Variants in ITFG1 observed in about 807,000 individuals in gnomAD.
ITFG1 encodes integrin alpha FG-GAP repeat containing 1.
A neutral mutation model predicts 81.8 loss-of-function variants in ITFG1; 34 were observed. The observed-to-expected ratio is 0.42, with a 90% CI of 0.32 to 0.55. ITFG1 has a LOEUF of 0.55. Ranked by LOEUF, ITFG1 falls within the 20% of genes least tolerant of loss-of-function variation. The pLI is 0.17. For synonymous variants in ITFG1, 285 were observed against 270.6 expected (o/e 1.05, Z -0.52); for missense variants, 672 against 755.4 (o/e 0.89, Z 1.29).
intron 8 of ITFG1, among the ~76,000 whole-genome samples, chr16:47,356,205 A>T (rs1968037573): frequency 6.6e-6 from 1 of 152,204 alleles, no homozygotes; most frequent in Admixed American, 6.5e-5. Context: ...AATATTGTTC[A>T]CCTCAGAAAG....
At chr16:47,459,423 A>T (rs1349341328) in intron 1 of ITFG1, among the ~76,000 whole-genome samples, 1 of 152,242 alleles carries the variant, frequency 6.6e-6, no homozygotes, top group Admixed American at 6.5e-5. Context: ...ATCAAGAGAA[A>T]CTGAAGCCAG....
intron 10 of ITFG1, among the ~76,000 whole-genome samples, chr16:47,297,418 A>G (rs1224215817): frequency 6.6e-6 from 1 of 152,168 alleles, no homozygotes; most frequent in Non-Finnish European, 1.5e-5. Flanking sequence ...TGTCATTTAC[A>G]TTCAAGGTTA....
intron 3 of ITFG1, among the ~76,000 whole-genome samples, chr16:47,453,390 T>A (rs1209314158): frequency 6.6e-6 from 1 of 152,194 alleles, no homozygotes; most frequent in Non-Finnish European, 1.5e-5. Flanking sequence ...TACTTCAACT[T>A]TTTTGTGCTT....
chr16:47,438,536 C>T (rs1347165485), intron 5 of ITFG1, among the ~76,000 whole-genome samples: 1 of 152,196 alleles, frequency 6.6e-6, no homozygotes, highest in Non-Finnish European at 1.5e-5. Flanking sequence ...CCAATATTCG[C>T]TGTTCTGCAG....
intron 14 of ITFG1, 21 bp from the exon 15 acceptor site, chr16:47,162,685 A>C: frequency 6.4e-7 from 1 of 1,563,328 alleles, no homozygotes; most frequent in Non-Finnish European, 8.6e-7. Flanking sequence ...TCAATTAAAA[A>C]AAAATTAAAA....
At chr16:47,440,876 C>A in intron 5 of ITFG1, among the ~76,000 whole-genome samples, 1 of 152,142 alleles carries the variant, frequency 6.6e-6, no homozygotes, top group East Asian at 1.9e-4. Flanking sequence ...AAAAACCCTT[C>A]AAAAAATCAA....
intron 6 of ITFG1, among the ~76,000 whole-genome samples, chr16:47,416,607 TC>T (rs1429038909): frequency 3.3e-5 from 5 of 152,118 alleles, no homozygotes; most frequent in Non-Finnish European, 5.9e-5. Flanking sequence ...TTTGGTGCCC[TC>T]CCCATGGTTC....
At chr16:47,400,471 C>T (rs746722000) in intron 6 of ITFG1, among the ~76,000 whole-genome samples, 11 of 151,398 alleles carry the variant, frequency 7.3e-5, no homozygotes, top group Non-Finnish European at 1.0e-4. Flanking sequence ...CACACACACA[C>T]ACACACACAC....
At chr16:47,458,897 C>T (rs1022734865) in intron 2 of ITFG1, among the ~76,000 whole-genome samples, 3 of 151,928 alleles carry the variant, frequency 2.0e-5, no homozygotes, top group African/African-American at 7.3e-5. Context: ...AAACCTGGAT[C>T]CACTCAAATT....
chr16:47,351,376 A>C (rs1454412275), intron 8 of ITFG1, among the ~76,000 whole-genome samples: 1 of 152,246 alleles, frequency 6.6e-6, no homozygotes, highest in Non-Finnish European at 1.5e-5. Context: ...CAGGATAGAA[A>C]ATCAATGTGC....
At chr16:47,220,631 AT>A (rs770485590) in intron 13 of ITFG1, among the ~76,000 whole-genome samples, 27 of 152,246 alleles carry the variant, frequency 1.8e-4, no homozygotes, top group Non-Finnish European at 4.0e-4. Context: ...TTATTTAAAA[AT>A]ATCATACAAT....
intron 14 of ITFG1, among the ~76,000 whole-genome samples, chr16:47,189,707 G>A (rs1372317928): frequency 2.6e-5 from 4 of 152,130 alleles, no homozygotes; most frequent in African/African-American, 7.2e-5. Flanking sequence ...GTTCTCTTGG[G>A]AATATACCTA....
chr16:47,437,989 C>A (rs1247460317), intron 5 of ITFG1, among the ~76,000 whole-genome samples: 2 of 152,234 alleles, frequency 1.3e-5, no homozygotes, highest in Non-Finnish European at 2.9e-5. Context: ...CACCCTAATA[C>A]TGTGCTTTTC....
chr16:47,160,000 G>C (rs1596773101), intron 16 of ITFG1, among the ~76,000 whole-genome samples: 1 of 152,056 alleles, frequency 6.6e-6, no homozygotes, highest in Non-Finnish European at 1.5e-5. Context: ...ACGGAAAAAA[G>C]CTATGGTATA....
intron 8 of ITFG1, among the ~76,000 whole-genome samples, chr16:47,317,995 T>TAACA (rs1436833726): frequency 6.6e-6 from 1 of 152,120 alleles, no homozygotes; most frequent in East Asian, 1.9e-4. Context: ...TTACACTTGG[T>TAACA]AACAGTATGT....
At chr16:47,287,488 C>G (rs1966874449) in intron 10 of ITFG1, among the ~76,000 whole-genome samples, 1 of 152,152 alleles carries the variant, frequency 6.6e-6, no homozygotes, top group Admixed American at 6.5e-5. Context: ...GCAGCCTTGA[C>G]CTCCTGGGCT....
chr16:47,370,523 A>G (rs1218575555), intron 7 of ITFG1, among the ~76,000 whole-genome samples: 1 of 152,180 alleles, frequency 6.6e-6, no homozygotes, highest in African/African-American at 2.4e-5. Context: ...TGTCCACTGT[A>G]ACACCCCCTT....
chr16:47,443,147 A>G (rs936531272), intron 5 of ITFG1, among the ~76,000 whole-genome samples: 1 of 152,266 alleles, frequency 6.6e-6, no homozygotes, highest in Non-Finnish European at 1.5e-5. Flanking sequence ...ACATGAAAAA[A>G]TGCTCATCAT....
chr16:47,237,858 T>G (rs1430398831), intron 13 of ITFG1, 107 bp downstream of exon 13: 2 of 614,940 alleles, frequency 3.3e-6, no homozygotes, highest in Non-Finnish European at 5.7e-6. Flanking sequence ...CTTTAATCAC[T>G]GCCAGATAAT....
Sources: allele counts gnomAD v4.1 joint callset (sites outside exome capture counted in the v4.1 genomes callset), GRCh38; gene constraint gnomAD v4.1.1; transcripts MANE v1.5; gene names NCBI Gene and HGNC (gene_info 2026-07-23, HGNC 2026-07-21).